Variants in CA8 observed in about 807,000 individuals in gnomAD.
CA8 encodes carbonic anhydrase 8 (inactive), also known as carbonic anhydrase-related protein.
A neutral mutation model predicts 41.4 loss-of-function variants in CA8; 22 were observed. The ratio of observed to expected loss-of-function variants is 0.53; its 90% CI spans 0.38 to 0.76. The LOEUF is 0.76. Among genes scored for constraint, CA8 ranks in the 30% least tolerant of loss-of-function variants. The pLI, the probability that CA8 is intolerant of heterozygous loss-of-function variation, is 0.00. For missense variants in CA8, 270 were observed against 352.8 expected (o/e 0.77, Z 1.88); for synonymous variants, 121 against 130.6 (o/e 0.93, Z 0.50).
intron 8 of CA8, among the ~76,000 whole-genome samples, chr8:60,202,587 A>G (rs886328872): frequency 2.0e-5 from 3 of 152,218 alleles, no homozygotes; most frequent in Non-Finnish European, 4.4e-5. Context: ...CACTTACTTC[A>G]TGCTGTGTCT....
chr8:60,197,009 A>G (rs916278323), intron 8 of CA8, among the ~76,000 whole-genome samples: 2 of 152,170 alleles, frequency 1.3e-5, no homozygotes, highest in African/African-American at 2.4e-5. Flanking sequence ...AGGATGAAAA[A>G]TTTTAAATAT....
At chr8:60,241,913 A>T (rs1223180450) in intron 3 of CA8, among the ~76,000 whole-genome samples, 2 of 152,212 alleles carry the variant, frequency 1.3e-5, no homozygotes, top group African/African-American at 4.8e-5. Flanking sequence ...CTATACAGTG[A>T]ATCAGTGACT....
chr8:60,256,517 A>C (rs1449082917), intron 3 of CA8, among the ~76,000 whole-genome samples: 1 of 152,240 alleles, frequency 6.6e-6, no homozygotes, highest in Non-Finnish European at 1.5e-5. Context: ...ATTCAAGCAC[A>C]GCAAAGCAGT....
intron 8 of CA8, among the ~76,000 whole-genome samples, chr8:60,191,501 A>G (rs941614561): frequency 1.3e-5 from 2 of 152,080 alleles, no homozygotes; most frequent in Non-Finnish European, 2.9e-5. Flanking sequence ...TACTGTATCA[A>G]CTCTGTTAAA....
intron 8 of CA8, among the ~76,000 whole-genome samples, chr8:60,190,283 A>G (rs1350616034): frequency 6.6e-6 from 1 of 151,498 alleles, no homozygotes; most frequent in African/African-American, 2.4e-5. Flanking sequence ...TATGTATATC[A>G]TGTCAAATAA....
intron 3 of CA8, among the ~76,000 whole-genome samples, chr8:60,256,975 G>T (rs1420123517): frequency 6.6e-6 from 1 of 151,880 alleles, no homozygotes; most frequent in Non-Finnish European, 1.5e-5. Flanking sequence ...TGTTTTATTT[G>T]TTTATTTTTA....
intron 8 of CA8, among the ~76,000 whole-genome samples, chr8:60,190,197 A>G (rs1251277392): frequency 3.3e-5 from 5 of 151,770 alleles, no homozygotes; most frequent in Admixed American, 1.3e-4. Flanking sequence ...TGGCAGACCT[A>G]TTAATGCAGG....
intron 3 of CA8, among the ~76,000 whole-genome samples, chr8:60,246,494 C>T (rs1029756693): frequency 2.6e-5 from 4 of 151,644 alleles, no homozygotes; most frequent in Non-Finnish European, 4.4e-5. Context: ...AGATGGGTTT[C>T]GCCATGTTGC....
chr8:60,232,396 A>G lies in CA8; in HGVS notation c.418-17T>C. ...CAGATGGAGCTGAGTGAGTGGCAAC[A>G]GACAGACCACATCATTTAATGTGCT... On this transcript the variant is annotated splice_polypyrimidine_tract_variant and intron_variant, in intron 3 of 8. Coordinates refer to ENST00000317995, the MANE Select transcript of CA8 (RefSeq NM_004056.6). 3 of 1,527,964 alleles carry G rather than the reference A, an allele frequency of 2.0e-6. No homozygotes were observed. Among genetic ancestry groups the G allele is most frequent in the Middle Eastern group, 1.7e-4 (1 of 5,904 alleles). The allele number at this position is 1,527,964 out of a possible 1,614,324, so 94.7% of individuals were successfully genotyped here. A position where few individuals can be genotyped will look rare whatever the true frequency, so the allele number is the denominator to read the frequency against.
At chr8:60,251,805 TAGGGC>T (rs1230147648) in intron 3 of CA8, among the ~76,000 whole-genome samples, 3 of 152,106 alleles carry the variant, frequency 2.0e-5, no homozygotes, top group African/African-American at 7.2e-5. Context: ...GAAATTAGAG[TAGGGC>T]AATCAAGTAT....
At position 60,226,789 on chromosome 8, in the gene CA8, T is replaced by G. The variant is rs1485786104; in HGVS notation, c.576+84A>C. ...AGCTTTTCTGAGATCTGTGAGTCCTTCTAACACAGCATCGAGCCCGCAGGT... is the reference window on the plus strand; with the variant it reads ...AGCTTTTCTGAGATCTGTGAGTCCTGCTAACACAGCATCGAGCCCGCAGGT... On this transcript the variant is annotated intron_variant, in intron 5 of 8. Transcript: ENST00000317995. The G allele has an allele frequency of 1.6e-5, 12 of 769,170 alleles. No homozygotes were observed. In the Admixed American group the frequency reaches 2.3e-4, roughly 15 times the overall value. The allele number at this position is 769,170 out of a possible 1,614,324, so 47.6% of individuals were successfully genotyped here.
chr8:60,230,161 T>A (rs150024662), intron 4 of CA8, among the ~76,000 whole-genome samples: 37 of 152,362 alleles, frequency 2.4e-4, no homozygotes, highest in Admixed American at 1.4e-3. Flanking sequence ...TGTCCTGCCT[T>A]TCTCCACCTA....
At chr8:60,241,152 C>A (rs764331328) in intron 3 of CA8, among the ~76,000 whole-genome samples, 2 of 152,170 alleles carry the variant, frequency 1.3e-5, no homozygotes, top group Non-Finnish European at 2.9e-5. Flanking sequence ...CGCTTTAAGT[C>A]ATCACTGTCA....
Position 60,208,924 on chromosome 8 carries a change from A to T in CA8, c.739-5T>A. ...CAGCCTTCGAAATTCTTCTATCTGA[A>T]AATAAAAGCAGAAGAAAATAGATTA... On this transcript the variant is annotated splice_polypyrimidine_tract_variant and splice_region_variant and intron_variant, in intron 7 of 8. Coordinates refer to ENST00000317995, the MANE Select transcript of CA8 (RefSeq NM_004056.6). 1 of 1,614,102 alleles carries T rather than the reference A, an allele frequency of 6.2e-7. No individual in the cohort carries two copies. The highest frequency in any genetic ancestry group is 2.2e-5 in the East Asian group (1 of 44,862).
intron 2 of CA8, among the ~76,000 whole-genome samples, chr8:60,272,448 G>T (rs1219090225): frequency 6.6e-6 from 1 of 150,840 alleles, no homozygotes; most frequent in Admixed American, 6.6e-5. Context: ...TCATGAATTT[G>T]CTCCATAATA....
intron 8 of CA8, among the ~76,000 whole-genome samples, chr8:60,199,270 G>A (rs1013956316): frequency 1.3e-5 from 2 of 152,046 alleles, no homozygotes; most frequent in Non-Finnish European, 2.9e-5. Flanking sequence ...GATATTATCA[G>A]ACAACAAAGG....
Position 60,279,715 on chromosome 8 carries a change from A to G in CA8, c.266T>C (p.Ile89Thr). Reference sequence around the variant, plus strand: ...TGATTTTGACTTCAGGATAACCTGAATGGTATGTCCATCATTGGTGACTTC... The same window carrying G: ...TGATTTTGACTTCAGGATAACCTGAGTGGTATGTCCATCATTGGTGACTTC... ...DCEVTNDGHT[I>T]QVILKSKSVL... The change falls in exon 2 of 9, where the codon ATT becomes ACT. Residue 89 changes from isoleucine to threonine, a missense_variant. This residue lies in a region of CA8 where 123 missense variants were observed against 136.8 expected (regional missense o/e 0.90). Coordinates refer to ENST00000317995, the MANE Select transcript of CA8 (RefSeq NM_004056.6). 1 of 1,614,214 alleles carries G rather than the reference A, an allele frequency of 6.2e-7. No individual in the cohort carries two copies. The highest frequency in any genetic ancestry group is 8.5e-7 in the Non-Finnish European group (1 of 1,180,032).
chr8:60,262,755 G>C (rs1803774235), intron 3 of CA8, among the ~76,000 whole-genome samples: 1 of 152,204 alleles, frequency 6.6e-6, no homozygotes, highest in South Asian at 2.1e-4. Flanking sequence ...GCATAAACCT[G>C]GAGTATTCAC....
At chr8:60,237,558 A>C (rs2130510519) in intron 3 of CA8, among the ~76,000 whole-genome samples, 1 of 152,338 alleles carries the variant, frequency 6.6e-6, no homozygotes, top group Non-Finnish European at 1.5e-5. Flanking sequence ...AGATGGCTCC[A>C]GGCAGGACCC....
Sources: allele counts gnomAD v4.1 joint callset (sites outside exome capture counted in the v4.1 genomes callset), GRCh38; gene constraint gnomAD v4.1.1; regional missense constraint gnomAD v4.1.1; transcripts MANE v1.5; gene names NCBI Gene and HGNC (gene_info 2026-07-23, HGNC 2026-07-21).